The following MYH4 variants were observed in gnomAD, a reference collection of about 807,000 sequenced individuals.
The protein encoded by MYH4 is myosin-4.
A neutral mutation model predicts 229.9 loss-of-function variants in MYH4; 200 were observed. The ratio of observed to expected loss-of-function variants is 0.87; its 90% CI spans 0.78 to 0.98. MYH4 has a LOEUF of 0.98. MYH4 is among the 50% of genes least tolerant of loss of function. The pLI, the probability that MYH4 is intolerant of heterozygous loss-of-function variation, is 0.00. For synonymous variants in MYH4, 761 were observed against 834.6 expected (o/e 0.91, Z 1.52); for missense variants, 2,148 against 2,332.6 (o/e 0.92, Z 1.63).
Position 10,445,274 on chromosome 17 carries a change from C to T in MYH4, c.5258G>A (p.Arg1753His), listed in dbSNP as rs187295127. 24 of 1,614,176 alleles carry T rather than the reference C, an allele frequency of 1.5e-5. No individual in the cohort carries two copies. The highest frequency in any genetic ancestry group is 2.2e-5 in the East Asian group (1 of 44,884). The part of the protein sequence containing the change: ...GEMEDIVQEA[R>H]NAEEKAKKAI... ...CTTCTTGGCCTTCTCCTCTGCATTG[C>T]GGGCTTCCTGGACGATGTCCTCCAT... Residue 1753 changes from arginine (R) to histidine (H), a missense_variant, in exon 36 of 40, where the codon CGC becomes CAC. By Grantham distance (29) the Arg-to-His change is conservative. Transcript: ENST00000255381.
In MYH4 at chr17:10,456,465, A is replaced by G. The variant is rs970292; in HGVS notation, c.1968+20T>C. 476,810 of 1,564,826 alleles carry G rather than the reference A, an allele frequency of 0.3. 77,818 individuals carry two copies. The highest frequency in any genetic ancestry group is 0.34 in the Non-Finnish European group (386,489 of 1,153,664). On this transcript the variant is annotated intron_variant, in intron 17 of 39. Coordinates refer to ENST00000255381, the MANE Select transcript of MYH4 (RefSeq NM_017533.2). Reference sequence around the variant, plus strand: ...TTTTTTAATGAAAGTATTTATCTGTAATTCAAGAATATACTGTACCCTGAA... The same window carrying G: ...TTTTTTAATGAAAGTATTTATCTGTGATTCAAGAATATACTGTACCCTGAA...
intron 15 of MYH4, 21 bp from the exon 16 acceptor site, chr17:10,457,750 A>G (rs2072658390): frequency 1.2e-5 from 20 of 1,600,328 alleles, no homozygotes; most frequent in Non-Finnish European, 1.5e-5. Context: ...GAAAAAAGGG[A>G]TGATAATGAT....
chr17:10,466,819 G>C (rs1008621088), intron 2 of MYH4, 35 bp from the exon 3 acceptor site: 18 of 1,560,436 alleles, frequency 1.2e-5, no homozygotes, highest in Non-Finnish European at 1.5e-5. Context: ...GATGATTCAG[G>C]GTTGGGGTGG....
rs111500941 is a variant in MYH4 at position 10,460,225 on chromosome 17, G to A, written c.1244C>T (p.Thr415Ile). The part of the protein sequence containing the change: ...PRVKVGNEFV[T>I]KGQTVQQVYN... ...TACCTGCTGCACAGTCTGGCCTTTG[G>A]TTACGAACTCATTGCCGACCTTGAC... The change falls in exon 13 of 40, where the codon ACC (threonine) becomes ATC (isoleucine). Residue 415 changes from threonine to isoleucine, a missense_variant. Coordinates refer to ENST00000255381, the MANE Select transcript of MYH4 (RefSeq NM_017533.2). 859 of 1,614,112 alleles carry A rather than the reference G, an allele frequency of 5.3e-4. 7 individuals are homozygous for A. In the African/African-American group the frequency reaches 0.01, roughly 19 times the overall value.
At chr17:10,452,654 A>C (rs2072590433) in intron 25 of MYH4, 133 bp downstream of exon 25, 2 of 1,269,084 alleles carry the variant, frequency 1.6e-6, no homozygotes, top group Admixed American at 4.7e-5. Flanking sequence ...TAGTTTAATT[A>C]AATAAAAAGG....
intron 19 of MYH4, 148 bp from the exon 20 acceptor site, chr17:10,455,443 G>A (rs77926487): frequency 0.062 from 80,573 of 1,294,176 alleles, 2,936 homozygotes; most frequent in Non-Finnish European, 0.072. Flanking sequence ...TTAAAACTTC[G>A]GAAGATATGA....
chr17:10,455,964 C>A, intron 17 of MYH4, 63 bp from the exon 18 acceptor site: 2 of 1,583,060 alleles, frequency 1.3e-6, no homozygotes, highest in Non-Finnish European at 1.7e-6. Context: ...GAGTCCCTAT[C>A]AATATTTGTC....
At chr17:10,453,399 G>A (rs866133857) in intron 23 of MYH4, 71 bp from the exon 24 acceptor site, 3 of 1,609,540 alleles carry the variant, frequency 1.9e-6, no homozygotes, top group Non-Finnish European at 2.5e-6. Flanking sequence ...TGATGCTGTA[G>A]TATCTTAGGA....
rs773365313 is a variant in MYH4 at position 10,459,310 on chromosome 17, C to T, written c.1528G>A (p.Glu510Lys). 21 of 1,614,044 alleles carry T rather than the reference C, an allele frequency of 1.3e-5. No individual in the cohort carries two copies. The highest frequency in any genetic ancestry group is 1.8e-5 in the Non-Finnish European group (21 of 1,180,008). The change falls in exon 15 of 40, where the codon GAG (glutamate) becomes AAG (lysine). Residue 510 changes from glutamate to lysine, a missense_variant. Glu to Lys is a moderately conservative substitution (Grantham distance 56). Transcript: ENST00000255381. ...EQEEYKKEGI[E>K]WEFIDFGMDL... ...ATCCCGAAGTCAATGAACTCCCACT[C>T]GATGCCTTCCTTCTTGTACTCTTCC...
chr17:10,466,306 G>A lies in MYH4; in HGVS notation c.315C>T (p.Asn105=), dbSNP rs1345750441. The change falls in exon 4 of 40, where the codon AAC becomes AAT. Residue 105 remains asparagine (N), a synonymous_variant. Coordinates refer to ENST00000255381, the MANE Select transcript of MYH4 (RefSeq NM_017533.2). ...TCCAGGCTGCGTAACGCTCTTTGAG[G>A]TTATACAGCACAGCAGGCTCATGCA... The part of the protein sequence containing the change: ...THLHEPAVLY[N]LKERYAAWMI... 1.9e-6 allele frequency: 3 copies of A among 1,614,146 alleles called. No individual in the cohort carries two copies. The highest frequency in any genetic ancestry group is 1.7e-5 in the Admixed American group (1 of 60,026).
rs1285940566 is a variant in MYH4 at position 10,462,869 on chromosome 17, G to T, written c.1004C>A (p.Thr335Lys). 5 of 1,612,562 alleles carry T rather than the reference G, an allele frequency of 3.1e-6. No homozygotes were observed. Among genetic ancestry groups the T allele is most frequent in the Non-Finnish European group, 4.2e-6 (5 of 1,179,144 alleles). ...SIDDQEELMA[T>K]DSAVDILGFT... ...TACTTTGTACCTATTACTTACATCTGTGGCCATCAGCTCTTCCTGGTCATC... is the reference window on the plus strand; with the variant it reads ...TACTTTGTACCTATTACTTACATCTTTGGCCATCAGCTCTTCCTGGTCATC... The change falls in exon 11 of 40, where the codon ACA (threonine) becomes AAA (lysine). Residue 335 changes from threonine to lysine, a missense_variant. Physicochemically the swap from Thr to Lys is moderately conservative, Grantham distance 78 (BLOSUM62 -1). Coordinates refer to ENST00000255381, the MANE Select transcript of MYH4 (RefSeq NM_017533.2).
intron 7 of MYH4, 126 bp downstream of exon 7, chr17:10,464,346 T>G (rs891704037): frequency 2.4e-6 from 2 of 831,034 alleles, no homozygotes; most frequent in Non-Finnish European, 3.7e-6. Context: ...TTTTGATCTT[T>G]TTTAAGGCTG....
chr17:10,447,685 TAACTTTG>T, intron 34 of MYH4, 126 bp downstream of exon 34: 6 of 915,080 alleles, frequency 6.6e-6, no homozygotes, highest in Non-Finnish European at 9.9e-6. Context: ...TGTGTGTGTA[TAACTTTG>T]AACTTTGAAC....
intron 15 of MYH4, 114 bp downstream of exon 15, chr17:10,459,137 C>CGA: frequency 1.3e-6 from 2 of 1,524,558 alleles, no homozygotes; most frequent in Non-Finnish European, 1.8e-6. Flanking sequence ...TCAGAATATA[C>CGA]GAGTGTGTCA....
At chr17:10,461,816 A>G (rs1242192170) in intron 11 of MYH4, among the ~76,000 whole-genome samples, 3 of 152,190 alleles carry the variant, frequency 2.0e-5, no homozygotes, top group African/African-American at 4.8e-5. Flanking sequence ...CAGGATTCAG[A>G]GCAGGCAGAG....
rs755111846 is a variant in MYH4, at chr17:10,455,643, G to T, written c.2145C>A (p.Ser715Arg). 9 of 1,614,056 alleles carry T rather than the reference G, an allele frequency of 5.6e-6. No homozygotes were observed. In the East Asian group the frequency reaches 2.0e-4, roughly 36 times the overall value. The change falls in exon 19 of 40, where the codon AGC (serine) becomes AGA (arginine). Residue 715 changes from serine (S) to arginine (R), a missense_variant. Coordinates refer to ENST00000255381, the MANE Select transcript of MYH4 (RefSeq NM_017533.2). ...GIRICRKGFPSRILYADFKQR... is the reference protein window; with the variant it reads ...GIRICRKGFPRRILYADFKQR... ...GTTTGAAGTCTGCATAAAGGATTCT[G>T]CTTGGGAAGCCTTTCCTGCAGATGC... is the stretch of plus-strand genomic sequence containing the variant.
At position 10,452,316 on chromosome 17, in the gene MYH4, C is replaced by T. The variant is rs201261694; in HGVS notation, c.3363G>A (p.Glu1121=). 5 of 1,614,026 alleles carry T rather than the reference C, an allele frequency of 3.1e-6. No homozygotes were observed. The highest frequency in any genetic ancestry group is 1.3e-5 in the African/African-American group (1 of 74,930). The change falls in exon 27 of 40, where the codon GAG becomes GAA. Residue 1121 remains glutamate (E), a synonymous_variant. Coordinates refer to ENST00000255381, the MANE Select transcript of MYH4 (RefSeq NM_017533.2). ...GCTCTGCCTCGATTTCCTCCTCCAG[C>T]TCCTCAATGCGGGCCTGGTTGTGAT... ...KIKELQARIE[E]LEEEIEAERA... is the part of the protein sequence containing the mutation.
Position 10,450,821 on chromosome 17 carries a change from G to A in MYH4, c.3940C>T (p.Gln1314Ter). ...QLSRGKQAFT[Q>*]QIEELKRQLE... ...TGCCTCTTTAATTCTTCAATCTGTT[G>A]TGTAAATGCTTGTTTGCCTCGGGAT... The change falls in exon 29 of 40, where the codon CAA becomes TAA. Residue 1314 changes from glutamine to a stop codon, truncating the protein, a stop_gained. Coordinates refer to ENST00000255381, the MANE Select transcript of MYH4 (RefSeq NM_017533.2). LOFTEE classifies it high-confidence loss of function. The A allele has an allele frequency of 6.2e-7, 1 of 1,614,074 alleles. No homozygotes were observed. Among genetic ancestry groups the A allele is most frequent in the Non-Finnish European group, 8.5e-7 (1 of 1,179,994 alleles).
intron 2 of MYH4, 106 bp downstream of exon 2, chr17:10,469,182 T>C (rs2072797124): frequency 6.6e-6 from 1 of 152,240 alleles, no homozygotes; most frequent in Non-Finnish European, 1.5e-5. Flanking sequence ...GCTGCCCCGA[T>C]ATCCTATTCC....
Sources: allele counts gnomAD v4.1 joint callset (sites outside exome capture counted in the v4.1 genomes callset), GRCh38; gene constraint gnomAD v4.1.1; transcripts MANE v1.5; gene names NCBI Gene and HGNC (gene_info 2026-07-23, HGNC 2026-07-21).